The following THBS4 variants were observed in gnomAD, a reference collection of about 807,000 sequenced individuals.
The protein encoded by THBS4 is thrombospondin-4.
Under a neutral mutation model 115.7 loss-of-function variants are expected in THBS4, and 90 were observed. The ratio of observed to expected loss-of-function variants is 0.78; its 90% CI spans 0.66 to 0.93. The LOEUF is 0.93. Ranked by LOEUF, THBS4 falls within the 40% of genes least tolerant of loss-of-function variation. The pLI is 0.00. For missense variants in THBS4, 1,087 were observed against 1,232.7 expected (o/e 0.88, Z 1.77); for synonymous variants, 460 against 479.3 (o/e 0.96, Z 0.53).
chr5:80,052,540 G>A (rs879281274), intron 2 of THBS4: 3 of 152,120 alleles, frequency 2.0e-5, no homozygotes, highest in Non-Finnish European at 2.9e-5. Context: ...GAATCAGAAA[G>A]CCCTTCTAGC....
intron 2 of THBS4, among the ~76,000 whole-genome samples, chr5:80,041,953 T>G (rs571952890): frequency 6.6e-6 from 1 of 152,370 alleles, no homozygotes; most frequent in South Asian, 2.1e-4. Context: ...AAGTTTCTAA[T>G]TCTTAACTTT....
At chr5:80,016,960 C>G (rs565107216) in intron 2 of THBS4, among the ~76,000 whole-genome samples, 1 of 152,126 alleles carries the variant, frequency 6.6e-6, no homozygotes, top group Non-Finnish European at 1.5e-5. Flanking sequence ...ATTTATTGAT[C>G]CATTCAATTA....
At chr5:80,002,220 A>G (rs553561752) in intron 2 of THBS4, among the ~76,000 whole-genome samples, 1 of 152,108 alleles carries the variant, frequency 6.6e-6, no homozygotes, top group Non-Finnish European at 1.5e-5. Flanking sequence ...GTTCTTTGGT[A>G]TCTAACCACT....
intron 2 of THBS4, among the ~76,000 whole-genome samples, chr5:80,046,310 A>G (rs902422449): frequency 2.0e-5 from 3 of 152,256 alleles, no homozygotes; most frequent in African/African-American, 7.2e-5. Flanking sequence ...TTAACTATTC[A>G]GGAGCAGATG....
In THBS4 at chr5:80,078,201, G is replaced by C; in HGVS notation, c.2239G>C (p.Asp747His). 1 of 1,601,432 alleles carries C rather than the reference G, an allele frequency of 6.2e-7. No individual in the cohort carries two copies. The highest frequency in any genetic ancestry group is 8.5e-7 in the Non-Finnish European group (1 of 1,171,266). ...GGATCCTGAAGGGGATGCCCAGATC[G>C]ATCCCAACTGGGTGGTCCTGAACCA... is the stretch of plus-strand genomic sequence containing the variant. Reference protein sequence around the residue: ...VLDPEGDAQIDPNWVVLNQGM... With the variant: ...VLDPEGDAQIHPNWVVLNQGM... The change falls in exon 17 of 22, where the codon GAT becomes CAT. Residue 747 changes from aspartate (D) to histidine (H), a missense_variant. This residue lies in a region of THBS4 where 979 missense variants were observed against 1,103.7 expected (regional missense o/e 0.89). Coordinates refer to ENST00000350881, the MANE Select transcript of THBS4 (RefSeq NM_003248.6).
intron 20 of THBS4, among the ~76,000 whole-genome samples, chr5:80,081,447 A>G (rs1743502085): frequency 6.6e-6 from 1 of 152,238 alleles, no homozygotes; most frequent in Non-Finnish European, 1.5e-5. Flanking sequence ...AGAATAATTT[A>G]TAACAAAATA....
chr5:80,077,746 T>A (rs1423686103), intron 16 of THBS4, among the ~76,000 whole-genome samples: 2 of 152,210 alleles, frequency 1.3e-5, no homozygotes, highest in Non-Finnish European at 2.9e-5. Flanking sequence ...ATCCACCAGT[T>A]GGTGAACTCA....
chr5:80,042,157 G>C (rs572667082), intron 2 of THBS4, among the ~76,000 whole-genome samples: 1 of 152,266 alleles, frequency 6.6e-6, no homozygotes, highest in African/African-American at 2.4e-5. Flanking sequence ...CCAGCAGATG[G>C]GTCAACCGTT....
intron 21 of THBS4, 27 bp downstream of exon 21, chr5:80,082,572 A>G (rs1027533574): frequency 6.2e-7 from 1 of 1,612,136 alleles, no homozygotes; most frequent in Non-Finnish European, 8.5e-7. Flanking sequence ...TTACTGTTCA[A>G]CATTGTTACT....
chr5:80,054,653 T>A (rs1833365152), intron 2 of THBS4, among the ~76,000 whole-genome samples: 2 of 152,152 alleles, frequency 1.3e-5, no homozygotes, highest in African/African-American at 4.8e-5. Flanking sequence ...TTTGTAGAGA[T>A]GAGGTCTCAC....
intron 13 of THBS4, chr5:80,071,691 C>A: frequency 6.1e-6 from 1 of 164,602 alleles, no homozygotes; most frequent in Non-Finnish European, 1.3e-5. Context: ...CACACATACA[C>A]CACTCCAGAA....
chr5:80,039,233 C>G (rs550101061), intron 1 of THBS4, among the ~76,000 whole-genome samples: 1 of 152,126 alleles, frequency 6.6e-6, no homozygotes, highest in Non-Finnish European at 1.5e-5. Context: ...ATGATATTTG[C>G]GTCTGCTAAT....
rs2112184723 is a variant in THBS4, at chr5:80,083,073, A to G, written c.2825-7A>G. ...CGCTAACCTCCCTGTGCCCATTCCT[A>G]TTGCAGACACCATCCCTGAGGACTT... On this transcript the variant is annotated splice_region_variant and splice_polypyrimidine_tract_variant and intron_variant, in intron 21 of 21. Transcript: ENST00000350881. 1 of 1,613,638 alleles carries G rather than the reference A, an allele frequency of 6.2e-7. No individual in the cohort carries two copies. The highest frequency in any genetic ancestry group is 8.5e-7 in the Non-Finnish European group (1 of 1,179,536).
chr5:80,031,160 G>A (rs577337229), upstream of THBS4, among the ~76,000 whole-genome samples: 1 of 152,284 alleles, frequency 6.6e-6, no homozygotes, highest in South Asian at 2.1e-4. Flanking sequence ...GGGCTTCCAA[G>A]CTGGTCTGAA....
chr5:80,011,068 A>C (rs533314891), intron 2 of THBS4, among the ~76,000 whole-genome samples: 1 of 152,316 alleles, frequency 6.6e-6, no homozygotes, highest in South Asian at 2.1e-4. Flanking sequence ...TCATGGGGGA[A>C]GGTCTTTCCC....
intron 2 of THBS4, 101 bp downstream of exon 2, chr5:80,040,381 TCTCA>T: frequency 1.1e-6 from 1 of 902,258 alleles, no homozygotes; most frequent in Non-Finnish European, 1.7e-6. Flanking sequence ...ACAATTATAT[TCTCA>T]CTCACTAGTC....
At chr5:80,002,922 T>C (rs578046905) in intron 2 of THBS4, among the ~76,000 whole-genome samples, 3 of 149,680 alleles carry the variant, frequency 2.0e-5, no homozygotes, top group Admixed American at 1.3e-4. Context: ...AAAGATCATT[T>C]GAAAAAAAAA....
intron 2 of THBS4, among the ~76,000 whole-genome samples, chr5:80,024,654 G>A (rs1832440333): frequency 6.6e-6 from 1 of 152,174 alleles, no homozygotes; most frequent in South Asian, 2.1e-4. Context: ...GCTATATCAT[G>A]ATGTAGCATG....
At chr5:80,080,261 G>A in intron 20 of THBS4, 184 bp downstream of exon 20, 2 of 685,088 alleles carry the variant, frequency 2.9e-6, no homozygotes, top group South Asian at 3.9e-5. Context: ...TTCAGGGTCA[G>A]ACCACCCGGA....
Sources: gnomAD v4.1 joint callset for allele counts (sites outside exome capture counted in the v4.1 genomes callset) on GRCh38, gnomAD v4.1.1 for gene constraint, gnomAD v4.1.1 regional missense constraint, MANE v1.5 for transcripts, NCBI Gene and HGNC (gene_info 2026-07-23, HGNC 2026-07-21) for gene names.